The following GRB10 variants were observed in gnomAD, a reference collection of about 807,000 sequenced individuals.
The protein encoded by GRB10 is growth factor receptor-bound protein 10.
GRB10 carries 20 observed loss-of-function variants against 80.9 expected under a neutral mutation model. The ratio of observed to expected loss-of-function variants is 0.25; its 90% confidence interval spans 0.17 to 0.36. GRB10 has a LOEUF of 0.36. Among genes scored for constraint, GRB10 ranks in the 10% least tolerant of loss-of-function variants. The pLI is 1.00. For missense variants in GRB10, 548 were observed against 747.7 expected (o/e 0.73, Z 3.12); for synonymous variants, 291 against 291.5 (o/e 1.00, Z 0.02).
At chr7:50,712,981 A>G (rs2066126677) in intron 4 of GRB10, among the ~76,000 whole-genome samples, 1 of 152,222 alleles carries the variant, frequency 6.6e-6, no homozygotes, top group Admixed American at 6.5e-5. Flanking sequence ...GAGCCTGTCA[A>G]TCTTGACAAA....
intron 7 of GRB10, among the ~76,000 whole-genome samples, chr7:50,653,338 C>G (rs2058224432): frequency 6.6e-6 from 1 of 152,198 alleles, no homozygotes. Context: ...CCACAGCATA[C>G]ATAAGGGCTT....
chr7:50,706,196 CTGT>C (rs2065018154), intron 4 of GRB10, among the ~76,000 whole-genome samples: 5 of 152,358 alleles, frequency 3.3e-5, no homozygotes, highest in Admixed American at 6.5e-5. Context: ...CAACTAGACA[CTGT>C]TGAAGTGAGA....
At chr7:50,725,607 T>C (rs896726912) in intron 4 of GRB10, among the ~76,000 whole-genome samples, 2 of 152,228 alleles carry the variant, frequency 1.3e-5, no homozygotes, top group Admixed American at 1.3e-4. Context: ...TCACAGTAGC[T>C]TCTGGGCAGA....
intron 7 of GRB10, among the ~76,000 whole-genome samples, chr7:50,649,544 A>AT (rs1216654268): frequency 6.6e-6 from 1 of 152,240 alleles, no homozygotes; most frequent in African/African-American, 2.4e-5. Flanking sequence ...TACACCCCAC[A>AT]GGGGAGAGCT....
At chr7:50,673,620 G>A (rs548285178) in intron 6 of GRB10, among the ~76,000 whole-genome samples, 2 of 151,964 alleles carry the variant, frequency 1.3e-5, no homozygotes, top group Admixed American at 6.6e-5. Context: ...TCTCCCATCC[G>A]GGGGCTCCTG....
At position 50,690,324 on chromosome 7, in the gene GRB10, A is replaced by C. The variant is rs963875754; in HGVS notation, c.139+13497T>G. Among the ~76,000 whole-genome samples the C allele has an allele frequency of 6.1e-5, 8 of 132,082 alleles. No homozygotes were observed. In the South Asian group the frequency reaches 6.2e-4, roughly 10 times the overall value. 86.7% of individuals were successfully genotyped at this position (132,082 alleles called of 152,430 possible). A position where few individuals can be genotyped will look rare whatever the true frequency, so the allele number is the denominator to read the frequency against. On this transcript the variant is annotated intron_variant, in intron 5 of 18. Coordinates refer to ENST00000401949, the MANE Select transcript of GRB10 (RefSeq NM_001350814.2). Reference sequence around the variant, plus strand: ...ACAAACAAACAAACAAACAAACAAAAAAAACAGAAAAAAAAGAAAAAAAGG... The same window carrying C: ...ACAAACAAACAAACAAACAAACAAACAAAACAGAAAAAAAAGAAAAAAAGG...
intron 8 of GRB10, among the ~76,000 whole-genome samples, chr7:50,619,493 G>A (rs981912729): frequency 6.6e-6 from 1 of 152,180 alleles, no homozygotes; most frequent in Non-Finnish European, 1.5e-5. Flanking sequence ...GAAGAATTCA[G>A]GTCAATACTT....
intron 7 of GRB10, among the ~76,000 whole-genome samples, chr7:50,667,860 T>C (rs1450885460): frequency 6.6e-6 from 1 of 152,190 alleles, no homozygotes; most frequent in East Asian, 1.9e-4. Context: ...CTTGTTCTGC[T>C]TACAAATTTG....
chr7:50,602,134 CAAGTA>C (rs59392994), intron 17 of GRB10, among the ~76,000 whole-genome samples: 37,095 of 151,992 alleles, frequency 0.24, 5,367 homozygotes, highest in East Asian at 0.48. Flanking sequence ...TAAAAATTGA[CAAGTA>C]AAGGGGAAAA....
In GRB10 at chr7:50,592,886, C is replaced by T. The variant is rs1038419570; in HGVS notation, c.*66G>A. On this transcript the variant is annotated 3_prime_UTR_variant, in exon 19 of 19. Coordinates refer to ENST00000401949, the MANE Select transcript of GRB10 (RefSeq NM_001350814.2). ...AGAATCGATGTGTGTTCTTCACCAA[C>T]GCACAGACCGCTTCTTCACTCCAGT... 3.6e-5 allele frequency: 56 copies of T among 1,568,368 alleles called. No individual in the cohort carries two copies. The highest frequency in any genetic ancestry group is 1.8e-4 in the East Asian group (8 of 44,668).
upstream of GRB10, among the ~76,000 whole-genome samples, chr7:50,784,161 C>T (rs996332350): frequency 5.9e-5 from 9 of 152,096 alleles, no homozygotes; most frequent in African/African-American, 2.2e-4. Flanking sequence ...ACTCTAACTG[C>T]GCACCCCTCA....
At chr7:50,702,435 T>G (rs1425863517) in intron 5 of GRB10, among the ~76,000 whole-genome samples, 3 of 152,198 alleles carry the variant, frequency 2.0e-5, no homozygotes, top group African/African-American at 7.2e-5. Context: ...TATTCAATGC[T>G]CTGTGGACAT....
At chr7:50,634,006 G>T (rs993892043) in intron 7 of GRB10, among the ~76,000 whole-genome samples, 4 of 152,198 alleles carry the variant, frequency 2.6e-5, no homozygotes, top group African/African-American at 7.2e-5. Context: ...ACTTGCTAGA[G>T]ATGTAGATAT....
intron 4 of GRB10, among the ~76,000 whole-genome samples, chr7:50,715,164 G>A (rs1020303837): frequency 3.3e-5 from 5 of 151,454 alleles, no homozygotes; most frequent in Non-Finnish European, 5.9e-5. Flanking sequence ...AGGTAAGCTA[G>A]GTCTGGCCTG....
At chr7:50,759,955 G>A (rs1219381757) in intron 2 of GRB10, among the ~76,000 whole-genome samples, 1 of 152,196 alleles carries the variant, frequency 6.6e-6, no homozygotes, top group Non-Finnish European at 1.5e-5. Flanking sequence ...GCCAAAATGT[G>A]TAAACAGGCC....
intron 4 of GRB10, among the ~76,000 whole-genome samples, chr7:50,713,877 C>T (rs1176277714): frequency 3.3e-5 from 5 of 151,916 alleles, no homozygotes; most frequent in African/African-American, 1.2e-4. Flanking sequence ...TCACCTCTAG[C>T]TCCTCCTCCT....
chr7:50,695,277 A>T (rs1383305974), intron 5 of GRB10, among the ~76,000 whole-genome samples: 2 of 152,224 alleles, frequency 1.3e-5, no homozygotes, highest in African/African-American at 4.8e-5. Flanking sequence ...AGACTGATGT[A>T]TCAACATCAA....
At chr7:50,792,774 G>C (rs1189222652) in intron 1 of GRB10, 3 of 210,760 alleles carry the variant, frequency 1.4e-5, no homozygotes, top group African/African-American at 7.0e-5. Context: ...GGAGCACCCG[G>C]GGCTGCAGGG....
At chr7:50,727,976 C>T (rs1468101342) in intron 4 of GRB10, 1 of 152,196 alleles carries the variant, frequency 6.6e-6, no homozygotes, top group Non-Finnish European at 1.5e-5. Flanking sequence ...CCTGTTTTAC[C>T]TCACAAAATA....
Sources: gnomAD v4.1 joint callset for allele counts (sites outside exome capture counted in the v4.1 genomes callset) on GRCh38, gnomAD v4.1.1 for gene constraint, MANE v1.5 for transcripts, NCBI Gene and HGNC (gene_info 2026-07-23, HGNC 2026-07-21) for gene names.